The following CDH13 variants were observed in gnomAD, a reference collection of about 807,000 sequenced individuals.
CDH13 encodes the protein cadherin-13.
CDH13 carries 24 observed loss-of-function variants against 63.8 expected under a neutral mutation model. The ratio of observed to expected loss-of-function variants is 0.38; its 90% confidence interval spans 0.27 to 0.53. The LOEUF (loss-of-function observed/expected upper bound fraction) is 0.53. Ranked by LOEUF, CDH13 falls within the 20% of genes least tolerant of loss-of-function variation. The probability of loss-of-function intolerance (pLI) is 0.85; values close to 1 mark genes in which losing one functional copy is unlikely to be tolerated. For missense variants in CDH13, 1,049 were observed against 903.1 expected, an observed-to-expected ratio of 1.16 and a Z score of -2.07; for synonymous variants, 503 against 355.3, an observed-to-expected ratio of 1.42 and a Z score of -4.67.
At chr16:83,133,999 C>T (rs896789280) in intron 4 of CDH13, among the ~76,000 whole-genome samples, 3 of 152,154 alleles carry the variant, frequency 2.0e-5, no homozygotes, top group Non-Finnish European at 2.9e-5. Flanking sequence ...GGCTGATTAA[C>T]ATAGACATTC....
intron 5 of CDH13, among the ~76,000 whole-genome samples, chr16:83,258,735 C>T (rs1004749727): frequency 2.0e-5 from 3 of 152,132 alleles, no homozygotes; most frequent in African/African-American, 7.2e-5. Flanking sequence ...TTTGTATGTG[C>T]GCGTTGTGGT....
At chr16:83,026,159 C>T (rs4389131) in intron 2 of CDH13, among the ~76,000 whole-genome samples, 5 of 152,068 alleles carry the variant, frequency 3.3e-5, no homozygotes, top group Non-Finnish European at 5.9e-5. Flanking sequence ...TGCAGTTGTT[C>T]TCAGTGTGAC....
At chr16:83,167,145 A>G (rs7202006) in intron 4 of CDH13, among the ~76,000 whole-genome samples, 32,860 of 151,190 alleles carry the variant, frequency 0.22, 4,116 homozygotes, top group African/African-American at 0.34. Context: ...CTTCCCTGCT[A>G]TTTACTTTGT....
intron 4 of CDH13, among the ~76,000 whole-genome samples, chr16:83,189,112 A>G (rs1000904804): frequency 2.0e-5 from 3 of 152,162 alleles, no homozygotes; most frequent in African/African-American, 7.2e-5. Flanking sequence ...AACAAAGTAC[A>G]TTGATTTTTT....
chr16:82,683,206 G>C (rs927708384), intron 1 of CDH13, among the ~76,000 whole-genome samples: 1 of 152,116 alleles, frequency 6.6e-6, no homozygotes, highest in African/African-American at 2.4e-5. Flanking sequence ...GTCTCAGCCC[G>C]GGGTCTTGTT....
In CDH13 at chr16:83,418,004, T is replaced by C. The variant is rs116372347; in HGVS notation, c.782-68473T>C. The stretch of plus-strand genomic sequence containing the variant: ...TTTAAAGCCCAGGGAAAATGTGTCT[T>C]TTCTGTTGAAGCCCTTTGTCAACTC... On this transcript the variant is annotated intron_variant, in intron 6 of 13. Coordinates refer to ENST00000567109, the MANE Select transcript of CDH13 (RefSeq NM_001257.5). Among the ~76,000 whole-genome samples, 1,480 of 152,280 alleles carry C rather than the reference T, an allele frequency of 9.7e-3. 32 individuals are homozygous for C. The highest frequency in any genetic ancestry group is 0.034 in the African/African-American group (1,412 of 41,544).
rs759840562 is a variant in CDH13, at chr16:83,800,166, G to A, written c.*5136G>A. ...TGAAAAGCGTTGGGTGGTGTAGGAC[G>A]AGGGAGGTTTTCACTCTGAAGCTAT... On this transcript the variant is annotated 3_prime_UTR_variant, in exon 14 of 14. Transcript: ENST00000567109. 1.3e-4 allele frequency: 19 copies of A among 150,656 alleles called. No homozygotes were observed. Among genetic ancestry groups the A allele is most frequent in the Non-Finnish European group, 2.4e-4 (16 of 67,482 alleles). 9.3% of individuals were successfully genotyped at this position (150,656 alleles called of 1,614,324 possible).
chr16:83,225,416 G>A (rs72802235), intron 5 of CDH13, among the ~76,000 whole-genome samples: 18,684 of 152,168 alleles, frequency 0.12, 1,389 homozygotes, highest in Non-Finnish European at 0.17. Flanking sequence ...TGAGAGCCAG[G>A]CAAATTTGTC....
At chr16:83,717,581 C>G (rs1909112700) in intron 10 of CDH13, among the ~76,000 whole-genome samples, 1 of 152,234 alleles carries the variant, frequency 6.6e-6, no homozygotes, top group Non-Finnish European at 1.5e-5. Context: ...AGGGCTGACT[C>G]TTGGTGTCTA....
intron 1 of CDH13, among the ~76,000 whole-genome samples, chr16:82,712,735 C>A (rs570467578): frequency 6.6e-6 from 1 of 152,298 alleles, no homozygotes; most frequent in South Asian, 2.1e-4. Flanking sequence ...TTCTTATGTT[C>A]TTGACTGTTC....
At chr16:82,998,040 C>T (rs770025334) in intron 2 of CDH13, among the ~76,000 whole-genome samples, 1 of 152,204 alleles carries the variant, frequency 6.6e-6, no homozygotes, top group Non-Finnish European at 1.5e-5. Flanking sequence ...GTTGAGCACT[C>T]ACAGTCATGG....
chr16:83,249,184 C>T (rs188305127), intron 5 of CDH13, among the ~76,000 whole-genome samples: 1 of 152,318 alleles, frequency 6.6e-6, no homozygotes, highest in African/African-American at 2.4e-5. Context: ...CACACAGAGC[C>T]TGTTTCTCAT....
intron 1 of CDH13, among the ~76,000 whole-genome samples, chr16:82,676,113 C>T (rs935036716): frequency 6.6e-6 from 1 of 152,214 alleles, no homozygotes; most frequent in South Asian, 2.1e-4. Flanking sequence ...TTTATTTTCA[C>T]AATGATCTCA....
chr16:82,839,508 A>T (rs941932518), intron 1 of CDH13, among the ~76,000 whole-genome samples: 2 of 152,188 alleles, frequency 1.3e-5, no homozygotes, highest in African/African-American at 2.4e-5. Context: ...AGTCCCAGTA[A>T]ATCAGGAGGA....
intron 5 of CDH13, among the ~76,000 whole-genome samples, chr16:83,247,985 A>C (rs1479348962): frequency 6.6e-6 from 1 of 152,158 alleles, no homozygotes; most frequent in Non-Finnish European, 1.5e-5. Flanking sequence ...AGGAAGCCCC[A>C]GGCTGTTGAG....
chr16:83,218,633 C>T (rs2039608600), intron 5 of CDH13, among the ~76,000 whole-genome samples: 1 of 152,170 alleles, frequency 6.6e-6, no homozygotes, highest in Non-Finnish European at 1.5e-5. Context: ...TTTCTGTGCC[C>T]ATCATGGGAG....
intron 4 of CDH13, among the ~76,000 whole-genome samples, chr16:83,190,241 A>C (rs1464174836): frequency 6.6e-6 from 1 of 152,186 alleles, no homozygotes; most frequent in Admixed American, 6.5e-5. Flanking sequence ...ACATCTCATT[A>C]TGAGTGGAAG....
intron 10 of CDH13, among the ~76,000 whole-genome samples, chr16:83,732,262 C>G (rs993026095): frequency 2.0e-5 from 3 of 152,098 alleles, no homozygotes; most frequent in Non-Finnish European, 4.4e-5. Context: ...GAGAAGGCCA[C>G]CTTAGATGGG....
chr16:83,691,064 A>T (rs1904811936), intron 10 of CDH13, among the ~76,000 whole-genome samples: 1 of 145,076 alleles, frequency 6.9e-6, no homozygotes, highest in African/African-American at 2.6e-5. Flanking sequence ...TTGCTAACCA[A>T]CTGTGCCGTG....
Sources: gnomAD v4.1 joint callset for allele counts (sites outside exome capture counted in the v4.1 genomes callset) on GRCh38, gnomAD v4.1.1 for gene constraint, MANE v1.5 for transcripts, NCBI Gene and HGNC (gene_info 2026-07-23, HGNC 2026-07-21) for gene names.